Variants in SAMD5 observed in about 807,000 individuals in gnomAD.
The protein encoded by SAMD5 is sterile alpha motif domain containing 5.
In SAMD5, 13 loss-of-function variants were observed where a neutral mutation model predicts 11.3. The ratio of observed to expected loss-of-function variants is 1.15; its 90% CI spans 0.75 to 1.83. The LOEUF is 1.83. Ranked by LOEUF, SAMD5 falls within the 40% of genes most tolerant of loss-of-function variation. The pLI is 0.00. For synonymous variants in SAMD5, 129 were observed against 111.3 expected, an observed-to-expected ratio of 1.16 and a Z score of -1.00; for missense variants, 255 against 239.1, an observed-to-expected ratio of 1.07 and a Z score of -0.44.
the SAMD5 span, among the ~76,000 whole-genome samples, chr6:147,840,375 C>T: frequency 6.6e-6 from 1 of 152,204 alleles, no homozygotes; most frequent in Non-Finnish European, 1.5e-5. Context: ...GTTGCAAGAG[C>T]AACCATTCTT....
At chr6:147,908,888 C>T in the SAMD5 span, among the ~76,000 whole-genome samples, 1 of 152,092 alleles carries the variant, frequency 6.6e-6, no homozygotes, top group African/African-American at 2.4e-5. Flanking sequence ...CAGATGCAGG[C>T]TAAGCCTGAG....
At chr6:147,689,202 C>T (rs1791064510) in intron 1 of SAMD5, among the ~76,000 whole-genome samples, 1 of 152,142 alleles carries the variant, frequency 6.6e-6, no homozygotes, top group African/African-American at 2.4e-5. Flanking sequence ...TAAGACCCAG[C>T]ATAAAGGTCA....
chr6:147,577,839 T>C (rs1033796142), intron 1 of SAMD5, among the ~76,000 whole-genome samples: 4 of 152,176 alleles, frequency 2.6e-5, no homozygotes, highest in African/African-American at 9.6e-5. Flanking sequence ...TTAAAAAGGC[T>C]GTAGCAACTG....
chr6:147,718,695 T>TG (rs936616277), intron 1 of SAMD5, among the ~76,000 whole-genome samples: 4 of 151,348 alleles, frequency 2.6e-5, no homozygotes, highest in Admixed American at 2.6e-4. Context: ...TTCTCGTTTT[T>TG]TTTCTTTTTT....
chr6:147,762,988 T>G, the SAMD5 span, among the ~76,000 whole-genome samples: 1 of 152,166 alleles, frequency 6.6e-6, no homozygotes, highest in Non-Finnish European at 1.5e-5. Context: ...TACCTTTTTG[T>G]TTATTTTTGG....
At chr6:147,690,911 G>A (rs1271198183) in intron 1 of SAMD5, among the ~76,000 whole-genome samples, 3 of 145,246 alleles carry the variant, frequency 2.1e-5, no homozygotes, top group African/African-American at 7.6e-5. Flanking sequence ...GAATAAGTGC[G>A]ATTTCTTTTA....
the SAMD5 span, among the ~76,000 whole-genome samples, chr6:147,813,400 T>C: frequency 6.6e-6 from 1 of 152,180 alleles, no homozygotes; most frequent in Non-Finnish European, 1.5e-5. Context: ...GACTACCAAG[T>C]TGGGAAATTG....
chr6:147,735,730 A>T (rs1436973811), intron 1 of SAMD5, among the ~76,000 whole-genome samples: 1 of 152,032 alleles, frequency 6.6e-6, no homozygotes, highest in Non-Finnish European at 1.5e-5. Flanking sequence ...ACAGGCAGTT[A>T]TCTGTAAATC....
At chr6:147,789,659 G>T in the SAMD5 span, among the ~76,000 whole-genome samples, 2 of 151,972 alleles carry the variant, frequency 1.3e-5, no homozygotes, top group African/African-American at 4.8e-5. Context: ...ATCAGATTTC[G>T]TTGATTTTTT....
chr6:147,736,087 T>C (rs1349533128), intron 1 of SAMD5, among the ~76,000 whole-genome samples: 4 of 152,240 alleles, frequency 2.6e-5, no homozygotes, highest in Non-Finnish European at 4.4e-5. Flanking sequence ...GCAGGTTGGC[T>C]GTCTCCAAAT....
At chr6:147,730,065 A>ACTCTG (rs1334121579) in intron 1 of SAMD5, 1 of 386,276 alleles carries the variant, frequency 2.6e-6, no homozygotes, top group East Asian at 7.3e-5. Flanking sequence ...AGCCTGGGTG[A>ACTCTG]CTCTGTCTCA....
intron 1 of SAMD5, among the ~76,000 whole-genome samples, chr6:147,534,450 CA>C (rs1788477621): frequency 6.6e-6 from 1 of 152,150 alleles, no homozygotes; most frequent in Admixed American, 6.5e-5. Context: ...GCCGATTCAT[CA>C]AGACAGGGGA....
the SAMD5 span, among the ~76,000 whole-genome samples, chr6:147,950,925 C>G: frequency 1.3e-5 from 2 of 151,698 alleles, no homozygotes; most frequent in Admixed American, 1.3e-4. Flanking sequence ...CACCGTCGTT[C>G]TGGAAGGGTG....
chr6:147,750,668 T>C, the SAMD5 span, among the ~76,000 whole-genome samples: 5 of 152,216 alleles, frequency 3.3e-5, no homozygotes, highest in African/African-American at 4.8e-5. Context: ...CTAACGCCTG[T>C]AATCCCAGCA....
At chr6:147,791,599 C>T in the SAMD5 span, among the ~76,000 whole-genome samples, 2 of 151,992 alleles carry the variant, frequency 1.3e-5, no homozygotes, top group East Asian at 3.9e-4. Flanking sequence ...GTTATTATTG[C>T]CTATTTTATT....
chr6:147,818,770 G>A, the SAMD5 span, among the ~76,000 whole-genome samples: 5 of 152,196 alleles, frequency 3.3e-5, no homozygotes, highest in Admixed American at 1.3e-4. Context: ...TTAGGAAATA[G>A]TGATAATCCA....
At chr6:147,904,255 T>A in the SAMD5 span, among the ~76,000 whole-genome samples, 26 of 152,292 alleles carry the variant, frequency 1.7e-4, no homozygotes, top group African/African-American at 5.3e-4. Context: ...GTTTTCCCCA[T>A]TGGCGTGTGC....
chr6:147,666,151 C>A (rs971815917), intron 1 of SAMD5, among the ~76,000 whole-genome samples: 5 of 152,188 alleles, frequency 3.3e-5, no homozygotes, highest in African/African-American at 1.2e-4. Context: ...GTTGGCCAGG[C>A]TGGTCGCCAA....
chr6:147,513,212 A>T (rs1048001620), intron 1 of SAMD5, among the ~76,000 whole-genome samples: 2 of 152,194 alleles, frequency 1.3e-5, no homozygotes, highest in African/African-American at 4.8e-5. Flanking sequence ...TTTGGAGTAT[A>T]TCTTGTGAGC....
Sources: gnomAD v4.1 joint callset for allele counts (sites outside exome capture counted in the v4.1 genomes callset) on GRCh38, gnomAD v4.1.1 for gene constraint, MANE v1.5 for transcripts, NCBI Gene and HGNC (gene_info 2026-07-23, HGNC 2026-07-21) for gene names.